The following SLC4A10 variants were observed in gnomAD, a reference collection of about 807,000 sequenced individuals.
SLC4A10 encodes the protein sodium-driven chloride bicarbonate exchanger.
A neutral mutation model predicts 137.7 loss-of-function variants in SLC4A10; 42 were observed. The observed-to-expected ratio is 0.30, with a 90% CI of 0.24 to 0.39. The LOEUF (loss-of-function observed/expected upper bound fraction) is 0.39. SLC4A10 is among the 10% of genes least tolerant of loss of function. SLC4A10 has a pLI of 1.00. For missense variants in SLC4A10, 925 were observed against 1,355.0 expected, an observed-to-expected ratio of 0.68 and a Z score of 4.98; for synonymous variants, 474 against 464.1, an observed-to-expected ratio of 1.02 and a Z score of -0.27.
chr2:161,703,060 A>T (rs1192204204), intron 1 of SLC4A10, among the ~76,000 whole-genome samples: 2 of 151,772 alleles, frequency 1.3e-5, no homozygotes, highest in Non-Finnish European at 3.0e-5. Flanking sequence ...AGTAAACATG[A>T]TATTTCTATT....
intron 7 of SLC4A10, among the ~76,000 whole-genome samples, chr2:161,873,360 A>G (rs2061252629): frequency 6.6e-6 from 1 of 151,774 alleles, no homozygotes; most frequent in Non-Finnish European, 1.5e-5. Flanking sequence ...CAAAGTAACA[A>G]TTGAGTGGAA....
At chr2:161,905,915 G>C (rs777599848) in intron 15 of SLC4A10, 28 bp downstream of exon 15, 23 of 1,548,980 alleles carry the variant, frequency 1.5e-5, no homozygotes, top group Non-Finnish European at 1.9e-5. Flanking sequence ...TGCTGGCCTT[G>C]GGGCTTTTCT....
At chr2:161,844,930 G>A (rs955997560) in intron 4 of SLC4A10, among the ~76,000 whole-genome samples, 1 of 152,034 alleles carries the variant, frequency 6.6e-6, no homozygotes, top group East Asian at 1.9e-4. Context: ...AGAAAAGGTC[G>A]TGCAATTGGC....
At chr2:161,788,667 G>A (rs2053888785) in intron 2 of SLC4A10, among the ~76,000 whole-genome samples, 1 of 152,112 alleles carries the variant, frequency 6.6e-6, no homozygotes, top group Non-Finnish European at 1.5e-5. Context: ...CCCTTTGGTG[G>A]CTACCACCAA....
intron 1 of SLC4A10, among the ~76,000 whole-genome samples, chr2:161,644,581 C>T (rs2035771287): frequency 6.6e-6 from 1 of 152,144 alleles, no homozygotes; most frequent in African/African-American, 2.4e-5. Flanking sequence ...TAGATTGACT[C>T]TATGAATGGA....
At chr2:161,664,002 G>A (rs907341263) in intron 1 of SLC4A10, among the ~76,000 whole-genome samples, 7 of 151,932 alleles carry the variant, frequency 4.6e-5, no homozygotes, top group Non-Finnish European at 8.8e-5. Context: ...ATGCTGGGGA[G>A]CATTTCTCAG....
At chr2:161,809,860 G>A (rs1360861399) in intron 3 of SLC4A10, among the ~76,000 whole-genome samples, 2 of 151,954 alleles carry the variant, frequency 1.3e-5, no homozygotes, top group Non-Finnish European at 2.9e-5. Flanking sequence ...GGCTATTTGG[G>A]CTCTTTTTTG....
At chr2:161,758,992 T>G (rs369029815) in intron 1 of SLC4A10, among the ~76,000 whole-genome samples, 1 of 152,020 alleles carries the variant, frequency 6.6e-6, no homozygotes. Context: ...CTAACAATCA[T>G]AAATTTGATT....
intron 1 of SLC4A10, among the ~76,000 whole-genome samples, chr2:161,625,256 G>A (rs541042299): frequency 3.3e-5 from 5 of 152,110 alleles, no homozygotes; most frequent in South Asian, 2.1e-4. Context: ...GTTTACCTCT[G>A]GGTTCTTAAG....
At chr2:161,799,070 A>G (rs1278698356) in intron 2 of SLC4A10, among the ~76,000 whole-genome samples, 2 of 151,422 alleles carry the variant, frequency 1.3e-5, no homozygotes, top group Admixed American at 6.6e-5. Flanking sequence ...ATGCTCACTA[A>G]TGTTTTCAAA....
At chr2:161,628,145 T>G (rs910491940) in intron 1 of SLC4A10, among the ~76,000 whole-genome samples, 5 of 152,102 alleles carry the variant, frequency 3.3e-5, no homozygotes, top group African/African-American at 1.2e-4. Context: ...TCCTTTGATA[T>G]TCAATGTTGA....
chr2:161,684,362 CTGTT>C (rs1455244485), intron 1 of SLC4A10, among the ~76,000 whole-genome samples: 1 of 152,018 alleles, frequency 6.6e-6, no homozygotes, highest in Non-Finnish European at 1.5e-5. Context: ...TCCTTGCAGT[CTGTT>C]TAAGTTTTTC....
At chr2:161,688,691 A>G (rs2041681102) in intron 1 of SLC4A10, among the ~76,000 whole-genome samples, 1 of 152,214 alleles carries the variant, frequency 6.6e-6, no homozygotes, top group Non-Finnish European at 1.5e-5. Flanking sequence ...TCCATTTACA[A>G]GTAAATAATA....
chr2:161,946,959 G>A (rs1297833737), intron 16 of SLC4A10, among the ~76,000 whole-genome samples: 2 of 151,792 alleles, frequency 1.3e-5, no homozygotes, highest in Non-Finnish European at 2.9e-5. Context: ...ATCTTTCTTG[G>A]CAGCTTTTGG....
chr2:161,678,217 G>A (rs975955512), intron 1 of SLC4A10, among the ~76,000 whole-genome samples: 10 of 152,094 alleles, frequency 6.6e-5, no homozygotes, highest in South Asian at 2.1e-4. Flanking sequence ...GAAGTTGGGA[G>A]GTGACAAGGT....
At chr2:161,774,134 C>T (rs901820555) in intron 2 of SLC4A10, among the ~76,000 whole-genome samples, 1 of 151,830 alleles carries the variant, frequency 6.6e-6, no homozygotes, top group African/African-American at 2.4e-5. Context: ...TGTAATTAGA[C>T]AACTTCAGGA....
At chr2:161,970,345 G>C (rs1043004403) in intron 23 of SLC4A10, among the ~76,000 whole-genome samples, 1 of 151,986 alleles carries the variant, frequency 6.6e-6, no homozygotes, top group Non-Finnish European at 1.5e-5. Context: ...CTATCCATTG[G>C]AAATCATAAG....
intron 1 of SLC4A10, among the ~76,000 whole-genome samples, chr2:161,727,204 AG>A (rs2046325954): frequency 6.6e-6 from 1 of 152,256 alleles, no homozygotes; most frequent in Non-Finnish European, 1.5e-5. Context: ...TAGAGCTGGC[AG>A]CCAGGCCTTC....
intron 3 of SLC4A10, among the ~76,000 whole-genome samples, chr2:161,835,604 A>T (rs2058717096): frequency 6.6e-6 from 1 of 152,180 alleles, no homozygotes; most frequent in Non-Finnish European, 1.5e-5. Flanking sequence ...CAAATTAGAA[A>T]AATTGGTGAG....
Sources: allele counts gnomAD v4.1 joint callset (sites outside exome capture counted in the v4.1 genomes callset), GRCh38; gene constraint gnomAD v4.1.1; transcripts MANE v1.5; gene names NCBI Gene and HGNC (gene_info 2026-07-23, HGNC 2026-07-21).